HRH4: variants seen among roughly 807,000 people sequenced by gnomAD.
HRH4 encodes histamine receptor H4.
Under a neutral mutation model 10.4 loss-of-function variants are expected in HRH4, and 12 were observed. The observed-to-expected ratio is 1.15, with a 90% confidence interval of 0.74 to 1.87. HRH4 has a LOEUF of 1.87. Ranked by LOEUF, HRH4 falls within the 40% of genes most tolerant of loss-of-function variation. The probability of loss-of-function intolerance (pLI) is 0.00; values close to 1 mark genes in which losing one functional copy is unlikely to be tolerated. For missense variants in HRH4, 415 were observed against 453.3 expected (o/e 0.92, Z 0.77); for synonymous variants, 154 against 166.6 (o/e 0.92, Z 0.58).
At chr18:24,473,039 CA>C (rs1342569601) in intron 2 of HRH4, among the ~76,000 whole-genome samples, 1 of 152,070 alleles carries the variant, frequency 6.6e-6, no homozygotes. Context: ...CCTGTAATCC[CA>C]GCTACTCGGG....
intron 1 of HRH4, among the ~76,000 whole-genome samples, chr18:24,463,573 A>T (rs1271262262): frequency 6.6e-6 from 1 of 152,218 alleles, no homozygotes; most frequent in Non-Finnish European, 1.5e-5. Flanking sequence ...GCTGTTAGCC[A>T]TTGATTCTTA....
At position 24,477,273 on chromosome 18, in the gene HRH4, T is replaced by G; in HGVS notation, c.884T>G (p.Leu295Arg). ...VALHQREHVE[L>R]LRARRLAKSL... Reference sequence around the variant, plus strand: ...CTTCACCAAAGGGAACATGTTGAACTGCTTAGAGCCAGGAGATTAGCCAAG... The same window carrying G: ...CTTCACCAAAGGGAACATGTTGAACGGCTTAGAGCCAGGAGATTAGCCAAG... Residue 295 changes from leucine to arginine, a missense_variant, in exon 3 of 3, where the codon CTG (leucine) becomes CGG (arginine). Transcript: ENST00000256906. 1 of 1,614,240 alleles carries G rather than the reference T, an allele frequency of 6.2e-7. No homozygotes were observed. The highest frequency in any genetic ancestry group is 8.5e-7 in the Non-Finnish European group (1 of 1,180,038).
At position 24,467,689 on chromosome 18, in the gene HRH4, G is replaced by A. The variant is rs531561591; in HGVS notation, c.194-1099G>A. On this transcript the variant is annotated intron_variant, in intron 1 of 2. Transcript: ENST00000256906. ...CTCCTGAATAACTGGGATTACAGGC[G>A]TGCACCACCATGCCCAGCTAATTTT... Among the ~76,000 whole-genome samples the A allele has an allele frequency of 2.8e-3, 428 of 152,126 alleles. 2 individuals carry two copies. The highest frequency in any genetic ancestry group is 9.5e-3 in the African/African-American group (395 of 41,510).
chr18:24,473,105 AG>A (rs1186720217), intron 2 of HRH4, among the ~76,000 whole-genome samples: 4 of 152,160 alleles, frequency 2.6e-5, no homozygotes, highest in Admixed American at 2.6e-4. Context: ...CAGTGAGCCA[AG>A]ATCGCACCAC....
At chr18:24,462,351 T>C (rs1320889483) in intron 1 of HRH4, among the ~76,000 whole-genome samples, 1 of 152,054 alleles carries the variant, frequency 6.6e-6, no homozygotes, top group Non-Finnish European at 1.5e-5. Context: ...AGGAGAGTGG[T>C]TGAACAGATC....
rs1267188427 is a variant in HRH4, at chr18:24,460,926, G to T, written c.193+5G>T. 2.0e-6 allele frequency: 3 copies of T among 1,512,786 alleles called. No homozygotes were observed. Among genetic ancestry groups the T allele is most frequent in the East Asian group, 2.3e-5 (1 of 43,440 alleles). 93.7% of individuals were successfully genotyped at this position (1,512,786 alleles called of 1,614,324 possible). ...CCATCTCTGACTTCTTTGTGGGTAA[G>T]TTATATGTCTTTATTTAAGACAGTC... On this transcript the variant is annotated splice_donor_5th_base_variant and intron_variant, in intron 1 of 2. Coordinates refer to ENST00000256906, the MANE Select transcript of HRH4 (RefSeq NM_021624.4).
Position 24,479,633 on chromosome 18 carries a change from G to A in HRH4, c.*2071G>A, listed in dbSNP as rs937094117. Reference sequence around the variant, plus strand: ...CCCACTAAAAATTTTTTAAATTGTTGCCTTTCTTGAAGTGTTCTCTGCCTG... The same window carrying A: ...CCCACTAAAAATTTTTTAAATTGTTACCTTTCTTGAAGTGTTCTCTGCCTG... On this transcript the variant is annotated 3_prime_UTR_variant, in exon 3 of 3. Transcript: ENST00000256906. 1.3e-5 allele frequency: 2 copies of A among 152,042 alleles called. No individual in the cohort carries two copies. Among genetic ancestry groups the A allele is most frequent in the African/African-American group, 2.4e-5 (1 of 41,406 alleles). The allele number at this position is 152,042 out of a possible 1,614,324, so 9.4% of individuals were successfully genotyped here.
At chr18:24,467,038 A>G (rs1599775959) in intron 1 of HRH4, among the ~76,000 whole-genome samples, 1 of 152,180 alleles carries the variant, frequency 6.6e-6, no homozygotes, top group African/African-American at 2.4e-5. Context: ...TGAAATCACA[A>G]TCCCTGGTTT....
In HRH4 at chr18:24,468,885, A is replaced by C; in HGVS notation, c.291A>C (p.Leu97Phe). ...CVFWLTTDYL[L>F]CTASVYNIVL... ...TTTGGCTCACTACTGACTATCTGTT[A>C]TGTACAGCATCTGTATATAACATTG... The change falls in exon 2 of 3, where the codon TTA (leucine) becomes TTC (phenylalanine). Residue 97 changes from leucine to phenylalanine, a missense_variant. Physicochemically the swap from Leu to Phe is conservative, Grantham distance 22. Coordinates refer to ENST00000256906, the MANE Select transcript of HRH4 (RefSeq NM_021624.4). The C allele has an allele frequency of 6.2e-7, 1 of 1,613,752 alleles. No homozygotes were observed. Among genetic ancestry groups the C allele is most frequent in the Non-Finnish European group, 8.5e-7 (1 of 1,179,650 alleles).
In HRH4 at chr18:24,468,943, T is replaced by A. The variant is rs1303974510; in HGVS notation, c.349T>A (p.Ser117Thr). 1.9e-6 allele frequency: 3 copies of A among 1,600,868 alleles called. No individual in the cohort carries two copies. In the African/African-American group the frequency reaches 4.0e-5, roughly 22 times the overall value. ...CAGCTATGATCGATACCTGTCAGTC[T>A]CAAATGCTGTAAGTCGAAACATTAA... The part of the protein sequence containing the change: ...LISYDRYLSV[S>T]NAVSYRTQHT... Residue 117 changes from serine to threonine, a missense_variant, in exon 2 of 3, where the codon TCA becomes ACA. Physicochemically the swap from Ser to Thr is moderately conservative, Grantham distance 58 (BLOSUM62 1). Coordinates refer to ENST00000256906, the MANE Select transcript of HRH4 (RefSeq NM_021624.4).
At chr18:24,471,765 TCA>T (rs1325333660) in intron 2 of HRH4, among the ~76,000 whole-genome samples, 4 of 152,148 alleles carry the variant, frequency 2.6e-5, no homozygotes, top group Non-Finnish European at 4.4e-5. Flanking sequence ...TTACTTTAGA[TCA>T]CAGTCAAGTG....
At chr18:24,462,699 G>A (rs880263) in intron 1 of HRH4, among the ~76,000 whole-genome samples, 17,090 of 152,118 alleles carry the variant, frequency 0.11, 1,295 homozygotes, top group Admixed American at 0.24. Context: ...TGATTTAGGA[G>A]TCATGGCATA....
chr18:24,479,489 C>G lies in HRH4; in HGVS notation c.*1927C>G, dbSNP rs1910249806. 6.6e-6 allele frequency: 1 copy of G among 152,190 alleles called. No homozygotes were observed. The highest frequency in any genetic ancestry group is 1.5e-5 in the Non-Finnish European group (1 of 68,046). The allele number at this position is 152,190 out of a possible 1,614,324, so 9.4% of individuals were successfully genotyped here. On this transcript the variant is annotated 3_prime_UTR_variant, in exon 3 of 3. Transcript: ENST00000256906. ...TTGAGATGGGGGTCTTGCTCTGTTGCCCACGCAGGAGTGCAGTGGCATGCT... is the reference window on the plus strand; with the variant it reads ...TTGAGATGGGGGTCTTGCTCTGTTGGCCACGCAGGAGTGCAGTGGCATGCT...
In HRH4 at chr18:24,479,302, ATAT is replaced by A. The variant is rs1910243295; in HGVS notation, c.*1742_*1744del. The stretch of plus-strand genomic sequence containing the variant: ...CCTGTATGTCAATTATTATTTTAAA[ATAT>A]TGTTGTATTTACTTAATGTCTTTAA... On this transcript the variant is annotated 3_prime_UTR_variant, in exon 3 of 3. Coordinates refer to ENST00000256906, the MANE Select transcript of HRH4 (RefSeq NM_021624.4). The A allele has an allele frequency of 6.6e-6, 1 of 152,168 alleles. No homozygotes were observed. The highest frequency in any genetic ancestry group is 1.5e-5 in the Non-Finnish European group (1 of 68,040). The allele number at this position is 152,168 out of a possible 1,614,324, so 9.4% of individuals were successfully genotyped here.
rs1599781415 is a variant in HRH4 at position 24,477,197 on chromosome 18, A to G, written c.808A>G (p.Asn270Asp). ...TTCCTCAAGAACCAAGATGAATAGCAATACAATTGCTTCCAAAATGGGTTC... is the reference window on the plus strand; with the variant it reads ...TTCCTCAAGAACCAAGATGAATAGCGATACAATTGCTTCCAAAATGGGTTC... The part of the protein sequence containing the change: ...MFSSRTKMNS[N>D]TIASKMGSFS... Residue 270 changes from asparagine (N) to aspartate (D), a missense_variant, in exon 3 of 3, where the codon AAT becomes GAT. Asn to Asp is a conservative substitution (Grantham distance 23). Coordinates refer to ENST00000256906, the MANE Select transcript of HRH4 (RefSeq NM_021624.4). The G allele has an allele frequency of 6.2e-7, 1 of 1,614,212 alleles. No homozygotes were observed.
intron 2 of HRH4, among the ~76,000 whole-genome samples, chr18:24,470,984 T>G (rs1404227164): frequency 6.6e-6 from 1 of 151,076 alleles, no homozygotes; most frequent in East Asian, 1.9e-4. Context: ...GCTTACATTT[T>G]ATTGGTGAAA....
intron 2 of HRH4, 82 bp downstream of exon 2, chr18:24,469,033 C>A (rs987675917): frequency 9.0e-7 from 1 of 1,112,774 alleles, no homozygotes; most frequent in African/African-American, 1.6e-5. Flanking sequence ...TTCTTTTAAG[C>A]CTAATTGTTA....
At chr18:24,473,295 G>T (rs1227881817) in intron 2 of HRH4, among the ~76,000 whole-genome samples, 2 of 152,220 alleles carry the variant, frequency 1.3e-5, no homozygotes, top group African/African-American at 4.8e-5. Flanking sequence ...CTGGGGCATT[G>T]TGTTTGTTTG....
At position 24,476,825 on chromosome 18, in the gene HRH4, G is replaced by A. The variant is rs770882337; in HGVS notation, c.436G>A (p.Val146Met). ...MVAVWVLAFL[V>M]NGPMILVSES... ...GGCCGTTTGGGTGCTGGCCTTCTTA[G>A]TGAATGGGCCAATGATTCTAGTTTC... The change falls in exon 3 of 3, where the codon GTG becomes ATG. Residue 146 changes from valine to methionine, a missense_variant. Physicochemically the swap from Val to Met is conservative, Grantham distance 21. Coordinates refer to ENST00000256906, the MANE Select transcript of HRH4 (RefSeq NM_021624.4). 1.2e-6 allele frequency: 2 copies of A among 1,614,178 alleles called. No homozygotes were observed. Among genetic ancestry groups the A allele is most frequent in the Non-Finnish European group, 1.7e-6 (2 of 1,180,014 alleles).
Sources: allele counts gnomAD v4.1 joint callset (sites outside exome capture counted in the v4.1 genomes callset), GRCh38; gene constraint gnomAD v4.1.1; transcripts MANE v1.5; gene names NCBI Gene and HGNC (gene_info 2026-07-23, HGNC 2026-07-21).